Variants in AEBP2 observed in about 807,000 individuals in gnomAD.
The protein encoded by AEBP2 is zinc finger protein AEBP2.
In AEBP2, 10 loss-of-function variants were observed where a neutral mutation model predicts 50.8. The ratio of observed to expected loss-of-function variants is 0.20; its 90% CI spans 0.12 to 0.33. The LOEUF is 0.33. AEBP2 is among the 10% of genes least tolerant of loss of function. AEBP2 has a pLI of 1.00. For missense variants in AEBP2, 570 were observed against 688.0 expected (o/e 0.83, Z 1.92); for synonymous variants, 296 against 261.3 (o/e 1.13, Z -1.28).
chr12:19,508,936 T>C, intron 5 of AEBP2: 1 of 426,008 alleles, frequency 2.3e-6, no homozygotes, highest in Non-Finnish European at 4.5e-6. Context: ...GTCGTAGGCT[T>C]TTCTACAATA....
chr12:19,418,659 C>T (rs952453), intron 1 of AEBP2, among the ~76,000 whole-genome samples: 3,406 of 152,218 alleles, frequency 0.022, 47 homozygotes, highest in East Asian at 0.043. Context: ...ACAATGTATA[C>T]ATCACATGTA....
rs752539638 is a variant in AEBP2 at position 19,518,115 on chromosome 12, T to TA, written c.*4dup. 10 of 1,595,914 alleles carry TA rather than the reference T, an allele frequency of 6.3e-6. No homozygotes were observed. The highest frequency in any genetic ancestry group is 1.7e-5 in the Admixed American group (1 of 58,228). The change falls in exon 8 of 8, where the codon TAA becomes TAAA. Residue 504 remains the stop codon, a frameshift_variant and stop_retained_variant. Transcript: ENST00000266508. LOFTEE classifies it high-confidence loss of function. ...AATGCCGCAGAAGAGGTTGAAGAGG[T>TA]AAAAAATAAATAAATACATAAAAAG... ...RTMPQKRLKR[*] is the part of the protein sequence containing the mutation.
intron 3 of AEBP2, among the ~76,000 whole-genome samples, chr12:19,491,792 T>C (rs1420533240): frequency 6.6e-6 from 1 of 152,180 alleles, no homozygotes; most frequent in African/African-American, 2.4e-5. Flanking sequence ...ATTTGCAAGA[T>C]GCTTCTGGGA....
At chr12:19,482,216 G>T (rs1948740466) in intron 3 of AEBP2, among the ~76,000 whole-genome samples, 1 of 152,068 alleles carries the variant, frequency 6.6e-6, no homozygotes, top group Admixed American at 6.6e-5. Context: ...CTAGGCTCTG[G>T]GATGGTGCTG....
chr12:19,501,241 G>C (rs915986984), intron 5 of AEBP2, among the ~76,000 whole-genome samples: 1 of 150,922 alleles, frequency 6.6e-6, no homozygotes, highest in Non-Finnish European at 1.5e-5. Flanking sequence ...TGAGGCAGGA[G>C]AATTGCTTGA....
intron 3 of AEBP2, among the ~76,000 whole-genome samples, chr12:19,492,341 T>C (rs925352162): frequency 6.6e-6 from 1 of 152,180 alleles, no homozygotes; most frequent in Non-Finnish European, 1.5e-5. Context: ...TTGTATATAT[T>C]AATTCTGGTG....
chr12:19,514,880 T>G (rs1470027294), intron 7 of AEBP2, 96 bp downstream of exon 7: 1 of 866,514 alleles, frequency 1.2e-6, no homozygotes, highest in Admixed American at 2.7e-5. Flanking sequence ...AGTGCTGAAT[T>G]TTAATACCAA....
intron 1 of AEBP2, among the ~76,000 whole-genome samples, chr12:19,421,766 G>A (rs914646273): frequency 2.6e-5 from 4 of 152,230 alleles, no homozygotes; most frequent in Non-Finnish European, 5.9e-5. Context: ...TGGTGGGGAG[G>A]CTAAGGAAGC....
intron 1 of AEBP2, chr12:19,456,284 C>T: frequency 6.5e-7 from 1 of 1,528,038 alleles, no homozygotes; most frequent in Non-Finnish European, 9.0e-7. Context: ...ATTTGGTGAC[C>T]TTGCCAGCTC....
At chr12:19,502,832 G>C (rs975046352) in intron 5 of AEBP2, among the ~76,000 whole-genome samples, 1 of 152,048 alleles carries the variant, frequency 6.6e-6, no homozygotes, top group East Asian at 1.9e-4. Context: ...ATTTTTAGTA[G>C]AGATGGGGTT....
intron 3 of AEBP2, among the ~76,000 whole-genome samples, chr12:19,477,912 A>C (rs1303066652): frequency 6.6e-6 from 1 of 152,078 alleles, no homozygotes; most frequent in Non-Finnish European, 1.5e-5. Flanking sequence ...AACTGGTCCC[A>C]GAAGGGTCGT....
In AEBP2 at chr12:19,480,312, C is replaced by G. The variant is rs548070187; in HGVS notation, c.987+6957C>G. Among the ~76,000 whole-genome samples the G allele has an allele frequency of 3.9e-3, 591 of 152,288 alleles. 4 individuals are homozygous for G. The highest frequency in any genetic ancestry group is 0.014 in the African/African-American group (564 of 41,562). On this transcript the variant is annotated intron_variant, in intron 3 of 7. Transcript: ENST00000266508. ...TAGAGACAGGGTTTCTCCATGTTGG[C>G]CAGGCTGGTCTTGAATTCCTGACCT... is the stretch of plus-strand genomic sequence containing the variant.
chr12:19,473,382 T>TCAA lies in AEBP2; in HGVS notation c.987+27_987+28insCAA, dbSNP rs1565720321. 24 of 88,322 alleles carry TCAA rather than the reference T, an allele frequency of 2.7e-4. 1 individual carries two copies. The highest frequency in any genetic ancestry group is 3.7e-4 in the Non-Finnish European group (21 of 57,382). 5.5% of individuals were successfully genotyped at this position (88,322 alleles called of 1,614,324 possible). A position where few individuals can be genotyped will look rare whatever the true frequency, so the allele number is the denominator to read the frequency against. The stretch of plus-strand genomic sequence containing the variant: ...TAAGGATGCATGTATATAAAATTTA[T>TCAA]TTATTTATTTATTTATTTATTTATT... On this transcript the variant is annotated intron_variant, in intron 3 of 7. Coordinates refer to ENST00000266508, the MANE Select transcript of AEBP2 (RefSeq NM_153207.5).
At chr12:19,433,798 G>A (rs1397654891) in intron 1 of AEBP2, among the ~76,000 whole-genome samples, 5 of 149,294 alleles carry the variant, frequency 3.3e-5, no homozygotes, top group Non-Finnish European at 5.9e-5. Context: ...GTGAAACTCC[G>A]TCTCAAAAAA....
chr12:19,439,631 G>A lies in AEBP2; in HGVS notation c.-69G>A. ...AGTTTTGGGCGTTTGGGAGGGGGGCGAGGGAGAGAGAGTCGAGAGAGGGAG... is the reference window on the plus strand; with the variant it reads ...AGTTTTGGGCGTTTGGGAGGGGGGCAAGGGAGAGAGAGTCGAGAGAGGGAG... On this transcript the variant is annotated 5_prime_UTR_variant, in exon 1 of 8. Coordinates refer to ENST00000266508, the MANE Select transcript of AEBP2 (RefSeq NM_153207.5). 3 of 1,487,468 alleles carry A rather than the reference G, an allele frequency of 2.0e-6. No homozygotes were observed. Among genetic ancestry groups the A allele is most frequent in the South Asian group, 2.6e-5 (2 of 78,370 alleles). 92.1% of individuals were successfully genotyped at this position (1,487,468 alleles called of 1,614,324 possible).
chr12:19,514,647 A>G lies in AEBP2; in HGVS notation c.1368-24A>G, dbSNP rs1401291243. 3 of 1,519,978 alleles carry G rather than the reference A, an allele frequency of 2.0e-6. No homozygotes were observed. The African/African-American group carries it at 4.2e-5, about 21-fold the overall frequency. The allele number at this position is 1,519,978 out of a possible 1,614,324, so 94.2% of individuals were successfully genotyped here. ...AATCTAAAATTAATGTTACTTTATTATTGACTTGTTTTTTAATTCATAGTC... is the reference window on the plus strand; with the variant it reads ...AATCTAAAATTAATGTTACTTTATTGTTGACTTGTTTTTTAATTCATAGTC... On this transcript the variant is annotated intron_variant, in intron 6 of 7. Transcript: ENST00000266508.
At position 19,473,380 on chromosome 12, in the gene AEBP2, T is replaced by TTAATTA. The variant is rs546038420; in HGVS notation, c.987+25_987+26insTAATTA. On this transcript the variant is annotated intron_variant, in intron 3 of 7. Coordinates refer to ENST00000266508, the MANE Select transcript of AEBP2 (RefSeq NM_153207.5). Reference sequence around the variant, plus strand: ...GGTAAGGATGCATGTATATAAAATTTATTTATTTATTTATTTATTTATTTA... The same window carrying TTAATTA: ...GGTAAGGATGCATGTATATAAAATTTTAATTAATTTATTTATTTATTTATTTATTTA... The TTAATTA allele has an allele frequency of 4.6e-3, 2,033 of 444,586 alleles. 111 individuals are homozygous for TTAATTA. Among genetic ancestry groups the TTAATTA allele is most frequent in the African/African-American group, 0.043 (1,028 of 23,960 alleles). 27.5% of individuals were successfully genotyped at this position (444,586 alleles called of 1,614,324 possible).
At chr12:19,445,704 G>A (rs1419295278) in intron 1 of AEBP2, among the ~76,000 whole-genome samples, 1 of 152,322 alleles carries the variant, frequency 6.6e-6, no homozygotes, top group East Asian at 1.9e-4. Flanking sequence ...TGTATGACAA[G>A]AGTCTGCAAA....
chr12:19,418,600 G>A (rs11044549), intron 1 of AEBP2, among the ~76,000 whole-genome samples: 1 of 151,984 alleles, frequency 6.6e-6, no homozygotes, highest in African/African-American at 2.4e-5. Flanking sequence ...CCCAATATGA[G>A]TCTGTAAGAA....
Sources: allele counts gnomAD v4.1 joint callset (sites outside exome capture counted in the v4.1 genomes callset), GRCh38; gene constraint gnomAD v4.1.1; transcripts MANE v1.5; gene names NCBI Gene and HGNC (gene_info 2026-07-23, HGNC 2026-07-21).